Variants in UVRAG observed in about 807,000 individuals in gnomAD.
The protein encoded by UVRAG is UV radiation resistance associated, also known as UV radiation resistance-associated gene protein.
Under a neutral mutation model 78.0 loss-of-function variants are expected in UVRAG, and 19 were observed. That is an observed-to-expected ratio of 0.24 (90% CI 0.17 to 0.36). UVRAG has a LOEUF of 0.36. Ranked by LOEUF, UVRAG falls within the 10% of genes least tolerant of loss-of-function variation. The pLI is 1.00. For synonymous variants in UVRAG, 323 were observed against 324.6 expected (o/e 1.00, Z 0.05); for missense variants, 740 against 853.8 (o/e 0.87, Z 1.66).
intron 13 of UVRAG, among the ~76,000 whole-genome samples, chr11:76,103,279 A>G (rs1400592219): frequency 6.6e-6 from 1 of 152,090 alleles, no homozygotes; most frequent in Non-Finnish European, 1.5e-5. Context: ...GGTGAAGGTC[A>G]TGGGGGCCAT....
chr11:76,134,009 A>C (rs1487893010), intron 14 of UVRAG, among the ~76,000 whole-genome samples: 1 of 141,696 alleles, frequency 7.1e-6, no homozygotes, highest in African/African-American at 2.7e-5. Flanking sequence ...GCTGGAGTGC[A>C]GTACTGCAAT....
intron 7 of UVRAG, among the ~76,000 whole-genome samples, chr11:75,977,773 G>A (rs1016164857): frequency 1.3e-5 from 2 of 152,088 alleles, no homozygotes; most frequent in Non-Finnish European, 2.9e-5. Context: ...GTCTCTGCAC[G>A]TGAGATGGGT....
intron 12 of UVRAG, among the ~76,000 whole-genome samples, chr11:76,031,448 A>G (rs571460932): frequency 6.6e-6 from 1 of 152,302 alleles, no homozygotes; most frequent in South Asian, 2.1e-4. Context: ...TTCATCACTG[A>G]CACTTGGAGG....
At chr11:76,006,660 CAAA>C (rs762221601) in intron 9 of UVRAG, among the ~76,000 whole-genome samples, 47 of 62,360 alleles carry the variant, frequency 7.5e-4, no homozygotes, top group South Asian at 1.9e-3. Context: ...GACCCCGTCT[CAAA>C]AAAAAAAAAA....
chr11:76,032,711 A>C (rs1266163838), intron 12 of UVRAG, among the ~76,000 whole-genome samples: 1 of 152,188 alleles, frequency 6.6e-6, no homozygotes. Context: ...GCCCCTAAGC[A>C]TCTGAGCTGC....
intron 14 of UVRAG, among the ~76,000 whole-genome samples, chr11:76,125,226 G>C (rs1177163920): frequency 6.6e-6 from 1 of 152,224 alleles, no homozygotes; most frequent in Non-Finnish European, 1.5e-5. Flanking sequence ...TCGCCTTTGA[G>C]AGCATTTCTT....
intron 12 of UVRAG, among the ~76,000 whole-genome samples, chr11:76,038,650 T>G (rs746585629): frequency 6.6e-6 from 1 of 152,212 alleles, no homozygotes; most frequent in Admixed American, 6.5e-5. Context: ...TCCCAACCAT[T>G]TGACTTTGAG....
At chr11:75,860,364 T>A (rs541751507) in intron 2 of UVRAG, among the ~76,000 whole-genome samples, 1 of 152,192 alleles carries the variant, frequency 6.6e-6, no homozygotes, top group African/African-American at 2.4e-5. Flanking sequence ...ATTCGCTTTC[T>A]CAAAAGAAAA....
chr11:75,871,699 G>A (rs1042303517), intron 3 of UVRAG, among the ~76,000 whole-genome samples: 10 of 152,312 alleles, frequency 6.6e-5, no homozygotes, highest in Admixed American at 5.2e-4. Flanking sequence ...CTTTCTCTGA[G>A]GTAGGTACTT....
At chr11:76,080,510 T>C (rs1437245074) in intron 13 of UVRAG, among the ~76,000 whole-genome samples, 1 of 151,762 alleles carries the variant, frequency 6.6e-6, no homozygotes, top group African/African-American at 2.4e-5. Context: ...AGAATATATA[T>C]ATATAAATTA....
At chr11:76,012,535 G>A (rs966616364) in intron 11 of UVRAG, among the ~76,000 whole-genome samples, 1 of 152,056 alleles carries the variant, frequency 6.6e-6, no homozygotes, top group Non-Finnish European at 1.5e-5. Context: ...GCTGCTTTCT[G>A]GGAGAGACTC....
chr11:75,887,853 G>T (rs561628575), intron 4 of UVRAG, among the ~76,000 whole-genome samples: 62 of 152,290 alleles, frequency 4.1e-4, no homozygotes, highest in African/African-American at 1.5e-3. Flanking sequence ...CAAAGTGCTG[G>T]GATTACAGGC....
chr11:76,097,152 C>G (rs1951798944), intron 13 of UVRAG, among the ~76,000 whole-genome samples: 1 of 152,146 alleles, frequency 6.6e-6, no homozygotes, highest in Non-Finnish European at 1.5e-5. Flanking sequence ...AACCATCATC[C>G]TTCTTTGAGC....
In UVRAG at chr11:76,073,176, C is replaced by G. The variant is rs1306046888; in HGVS notation, c.1305+7388C>G. On this transcript the variant is annotated intron_variant, in intron 13 of 14. Transcript: ENST00000356136. ...TTAAATCATGACCCCTGAGTGCACA[C>G]CTTCTTAATATTCTGTGTGTTGGAA... Among the ~76,000 whole-genome samples, 7 of 152,108 alleles carry G rather than the reference C, an allele frequency of 4.6e-5. No individual in the cohort carries two copies. In the South Asian group the frequency reaches 1.5e-3, roughly 32 times the overall value.
intron 8 of UVRAG, among the ~76,000 whole-genome samples, chr11:76,000,057 G>A (rs930484403): frequency 6.6e-6 from 1 of 151,976 alleles, no homozygotes; most frequent in Non-Finnish European, 1.5e-5. Flanking sequence ...AGCCAATAGT[G>A]AAGAAAAATG....
At chr11:76,059,217 T>C (rs1951035265) in intron 12 of UVRAG, among the ~76,000 whole-genome samples, 1 of 152,246 alleles carries the variant, frequency 6.6e-6, no homozygotes, top group African/African-American at 2.4e-5. Context: ...GCAGGAAAGA[T>C]GATAGTTTCT....
At chr11:76,070,946 T>C (rs146623185) in intron 13 of UVRAG, among the ~76,000 whole-genome samples, 1,698 of 152,314 alleles carry the variant, frequency 0.011, 32 homozygotes, top group African/African-American at 0.039. Flanking sequence ...GTAATCAATG[T>C]CACTGAATTT....
intron 12 of UVRAG, among the ~76,000 whole-genome samples, chr11:76,041,853 C>T (rs990542230): frequency 5.3e-5 from 8 of 152,118 alleles, no homozygotes; most frequent in African/African-American, 1.4e-4. Context: ...GTTGCTCTTG[C>T]GATCTTTCAG....
intron 6 of UVRAG, among the ~76,000 whole-genome samples, chr11:75,955,310 C>T (rs892181057): frequency 6.6e-6 from 1 of 152,116 alleles, no homozygotes; most frequent in Non-Finnish European, 1.5e-5. Context: ...AACAAAATAG[C>T]TGTATTGAGA....
Sources: gnomAD v4.1 joint callset for allele counts (sites outside exome capture counted in the v4.1 genomes callset) on GRCh38, gnomAD v4.1.1 for gene constraint, MANE v1.5 for transcripts, NCBI Gene and HGNC (gene_info 2026-07-23, HGNC 2026-07-21) for gene names.